The following SLC17A1 variants were observed in gnomAD, a reference collection of about 807,000 sequenced individuals.
The protein encoded by SLC17A1 is sodium-dependent phosphate transport protein 1.
A neutral mutation model predicts 53.5 loss-of-function variants in SLC17A1; 51 were observed. The observed-to-expected ratio is 0.95, with a 90% CI of 0.76 to 1.20. SLC17A1 has a LOEUF of 1.20. SLC17A1 is among the 50% of genes most tolerant of loss of function. The pLI is 0.00. For synonymous variants in SLC17A1, 179 were observed against 198.8 expected (o/e 0.90, Z 0.84); for missense variants, 538 against 568.2 (o/e 0.95, Z 0.54).
chr6:25,746,966 A>G, the SLC17A1 span, among the ~76,000 whole-genome samples: 2 of 152,232 alleles, frequency 1.3e-5, no homozygotes, highest in East Asian at 3.8e-4. Context: ...TAGACTGACA[A>G]TAAAAAACAG....
At chr6:25,764,829 G>C in the SLC17A1 span, among the ~76,000 whole-genome samples, 1 of 152,224 alleles carries the variant, frequency 6.6e-6, no homozygotes, top group Non-Finnish European at 1.5e-5. Flanking sequence ...AGCATCAGGG[G>C]CCAGTGCTAC....
In SLC17A1 at chr6:25,792,658, C is replaced by T. The variant is rs542141447; in HGVS notation, c.*2+6125G>A. Among the ~76,000 whole-genome samples, 16 of 152,276 alleles carry T rather than the reference C, an allele frequency of 1.1e-4. No individual in the cohort carries two copies. In the South Asian group the frequency reaches 2.9e-3, roughly 28 times the overall value. ...GTTTCAATTTAATGTGGACAAAATC[C>T]TACCCCATCCTCCTCCTTGTCAAGC... On this transcript the variant is annotated intron_variant, in intron 12 of 12. Coordinates refer to ENST00000244527, the MANE Select transcript of SLC17A1 (RefSeq NM_005074.5).
the SLC17A1 span, among the ~76,000 whole-genome samples, chr6:25,725,505 A>G: frequency 6.6e-6 from 1 of 152,194 alleles, no homozygotes; most frequent in Non-Finnish European, 1.5e-5. Context: ...AACCAGCCAG[A>G]CTGATGTTAC....
At chr6:25,800,037 A>AGGAGCATTT (rs1380195828) in intron 11 of SLC17A1, among the ~76,000 whole-genome samples, 1 of 151,784 alleles carries the variant, frequency 6.6e-6, no homozygotes, top group Non-Finnish European at 1.5e-5. Flanking sequence ...CTTTGGGATA[A>AGGAGCATTT]GGAGCATTTG....
At chr6:25,793,908 G>C (rs2151477180) in intron 12 of SLC17A1, among the ~76,000 whole-genome samples, 1 of 152,286 alleles carries the variant, frequency 6.6e-6, no homozygotes, top group Middle Eastern at 3.4e-3. Flanking sequence ...AATCCTTCAA[G>C]TTGGATGCTG....
intron 3 of SLC17A1, among the ~76,000 whole-genome samples, chr6:25,823,356 A>T (rs916916187): frequency 6.6e-6 from 1 of 152,092 alleles, no homozygotes; most frequent in African/African-American, 2.4e-5. Context: ...GCTGTCTCAT[A>T]TGGTAGGCAT....
At chr6:25,726,829 C>T in the SLC17A1 span, 443,254 of 1,488,358 alleles carry the variant, frequency 0.3, 73,254 homozygotes, top group East Asian at 0.71. Flanking sequence ...CTGTTTAATA[C>T]TGAAGAGCTG....
At chr6:25,750,771 G>A in the SLC17A1 span, among the ~76,000 whole-genome samples, 1 of 151,970 alleles carries the variant, frequency 6.6e-6, no homozygotes, top group East Asian at 1.9e-4. Flanking sequence ...CAAGGGTTAT[G>A]TCACTTGTGT....
At chr6:25,809,013 GA>G (rs1189796911) in intron 10 of SLC17A1, among the ~76,000 whole-genome samples, 2 of 151,914 alleles carry the variant, frequency 1.3e-5, no homozygotes, top group African/African-American at 4.8e-5. Context: ...TCCATCAACA[GA>G]TGATTGGATG....
At chr6:25,778,991 T>C, downstream of SLC17A1, 1 of 1,594,448 alleles carries the variant, frequency 6.3e-7, no homozygotes, top group Non-Finnish European at 8.5e-7. Flanking sequence ...AGCCAAAGCC[T>C]TTCTGAACCA....
At chr6:25,753,214 G>T in the SLC17A1 span, among the ~76,000 whole-genome samples, 1 of 152,184 alleles carries the variant, frequency 6.6e-6, no homozygotes, top group East Asian at 1.9e-4. Context: ...ATCACTGACA[G>T]GAGGAACTGC....
the SLC17A1 span, among the ~76,000 whole-genome samples, chr6:25,772,669 C>A: frequency 2.6e-5 from 4 of 152,088 alleles, no homozygotes; most frequent in African/African-American, 7.2e-5. Flanking sequence ...TACTGCTGCT[C>A]ACTCTTATGT....
At chr6:25,734,650 T>A in the SLC17A1 span, among the ~76,000 whole-genome samples, 1 of 152,340 alleles carries the variant, frequency 6.6e-6, no homozygotes, top group East Asian at 1.9e-4. Context: ...CCAGGATCCA[T>A]CTACGAGTGT....
chr6:25,777,931 C>G (rs1763072603), downstream of SLC17A1: 1 of 1,612,664 alleles, frequency 6.2e-7, no homozygotes, highest in African/African-American at 1.3e-5. Flanking sequence ...CTCAGGTACA[C>G]TGGCTTTCTC....
intron 12 of SLC17A1, among the ~76,000 whole-genome samples, chr6:25,796,158 TA>T: frequency 6.6e-6 from 1 of 152,286 alleles, no homozygotes; most frequent in East Asian, 1.9e-4. Flanking sequence ...TATGCTTATT[TA>T]TAAGGACAAT....
chr6:25,738,590 A>G, the SLC17A1 span, among the ~76,000 whole-genome samples: 1 of 152,184 alleles, frequency 6.6e-6, no homozygotes, highest in Non-Finnish European at 1.5e-5. Flanking sequence ...GTGAAGAAAA[A>G]AACGACAGGC....
In SLC17A1 at chr6:25,819,935, A is replaced by G. The variant is rs1764494872; in HGVS notation, c.208-20T>C. On this transcript the variant is annotated intron_variant, in intron 3 of 12. Transcript: ENST00000244527. ...AGGGTTCTAAAAGACAAGGGGGGAC[A>G]TGTCGAATCACTCTGCATATCAGAA... The G allele has an allele frequency of 1.3e-6, 2 of 1,494,168 alleles. No individual in the cohort carries two copies. The highest frequency in any genetic ancestry group is 1.8e-6 in the Non-Finnish European group (2 of 1,084,898). The allele number at this position is 1,494,168 out of a possible 1,614,324, so 92.6% of individuals were successfully genotyped here. A position where few individuals can be genotyped will look rare whatever the true frequency, so the allele number is the denominator to read the frequency against.
chr6:25,821,585 C>T (rs1764564243), intron 3 of SLC17A1, among the ~76,000 whole-genome samples: 1 of 152,184 alleles, frequency 6.6e-6, no homozygotes, highest in South Asian at 2.1e-4. Context: ...GTTCTACTCT[C>T]CCTGTGCATG....
At chr6:25,821,820 A>C (rs1764572697) in intron 3 of SLC17A1, among the ~76,000 whole-genome samples, 1 of 152,226 alleles carries the variant, frequency 6.6e-6, no homozygotes, top group Non-Finnish European at 1.5e-5. Context: ...TAAATGTATA[A>C]ATGACTCTAA....
Sources: gnomAD v4.1 joint callset for allele counts (sites outside exome capture counted in the v4.1 genomes callset) on GRCh38, gnomAD v4.1.1 for gene constraint, MANE v1.5 for transcripts, NCBI Gene and HGNC (gene_info 2026-07-23, HGNC 2026-07-21) for gene names.